CDH4: variants seen among roughly 807,000 people sequenced by gnomAD.
The protein encoded by CDH4 is cadherin-4.
Under a neutral mutation model 86.0 loss-of-function variants are expected in CDH4, and 33 were observed. The observed-to-expected ratio is 0.38, with a 90% CI of 0.29 to 0.51. The LOEUF (loss-of-function observed/expected upper bound fraction) is 0.51, where lower values mean the gene tolerates loss of function less well. CDH4 is among the 20% of genes least tolerant of loss of function. The pLI is 0.86. For missense variants in CDH4, 1,114 were observed against 1,307.4 expected (o/e 0.85, Z 2.28); for synonymous variants, 555 against 549.4 (o/e 1.01, Z -0.14).
At chr20:61,612,102 GT>G (rs2086689929) in intron 2 of CDH4, among the ~76,000 whole-genome samples, 1 of 151,950 alleles carries the variant, frequency 6.6e-6, no homozygotes, top group Non-Finnish European at 1.5e-5. Flanking sequence ...TTTTTTTTGA[GT>G]CATAAAAATG....
chr20:61,602,377 T>C (rs1353594677), intron 2 of CDH4, among the ~76,000 whole-genome samples: 1 of 152,070 alleles, frequency 6.6e-6, no homozygotes, highest in Non-Finnish European at 1.5e-5. Flanking sequence ...GACCAGGTCC[T>C]CAAAGGAAAC....
intron 3 of CDH4, among the ~76,000 whole-genome samples, chr20:61,748,465 TGAATGAAGAGA>T (rs1424654706): frequency 1.3e-5 from 2 of 152,190 alleles, no homozygotes. Flanking sequence ...GAAGTAAAGT[TGAATGAAGAGA>T]AACTGAAAGA....
intron 6 of CDH4, among the ~76,000 whole-genome samples, 182 bp from the exon 7 acceptor site, chr20:61,873,546 T>C (rs1282821830): frequency 6.6e-6 from 1 of 152,270 alleles, no homozygotes; most frequent in African/African-American, 2.4e-5. Flanking sequence ...TCTATGATTC[T>C]ATAAGGTGGG....
intron 4 of CDH4, among the ~76,000 whole-genome samples, chr20:61,798,005 T>C (rs1193523848): frequency 1.3e-5 from 2 of 152,056 alleles, no homozygotes; most frequent in South Asian, 4.1e-4. Flanking sequence ...AAAGCCAAAA[T>C]GGAAAAGCAC....
intron 2 of CDH4, among the ~76,000 whole-genome samples, chr20:61,677,004 G>A (rs973366704): frequency 6.6e-6 from 1 of 152,208 alleles, no homozygotes; most frequent in Non-Finnish European, 1.5e-5. Context: ...AGCAGACCAG[G>A]AGGGTGCTGA....
intron 2 of CDH4, among the ~76,000 whole-genome samples, chr20:61,433,506 G>A (rs1244194297): frequency 4.7e-5 from 5 of 107,162 alleles, no homozygotes; most frequent in Non-Finnish European, 9.9e-5. Flanking sequence ...CACTTGTCAT[G>A]TAAAAAAAAA....
chr20:61,643,546 G>A (rs2087032614), intron 2 of CDH4, among the ~76,000 whole-genome samples: 1 of 152,210 alleles, frequency 6.6e-6, no homozygotes, highest in Admixed American at 6.5e-5. Context: ...TGTGTCAGGG[G>A]ACCAAGAGGT....
intron 2 of CDH4, chr20:61,718,554 G>A (rs963192390): frequency 3.0e-5 from 10 of 333,192 alleles, no homozygotes; most frequent in South Asian, 5.0e-5. Flanking sequence ...GGCCAACCTC[G>A]ATCACAGCCA....
intron 9 of CDH4, among the ~76,000 whole-genome samples, chr20:61,915,247 G>T (rs1454891118): frequency 6.6e-6 from 1 of 152,238 alleles, no homozygotes; most frequent in Non-Finnish European, 1.5e-5. Flanking sequence ...ATCTGACTGA[G>T]CCAAGGTGTC....
intron 2 of CDH4, among the ~76,000 whole-genome samples, chr20:61,354,146 G>A (rs73917710): frequency 0.028 from 4,290 of 151,636 alleles, 176 homozygotes; most frequent in African/African-American, 0.088. Flanking sequence ...CCAGGGTGCC[G>A]CCGACCGTCC....
At chr20:61,660,434 G>A (rs918980836) in intron 2 of CDH4, among the ~76,000 whole-genome samples, 7 of 152,216 alleles carry the variant, frequency 4.6e-5, no homozygotes, top group Admixed American at 2.6e-4. Flanking sequence ...GTTCATCATC[G>A]AAGGCAGGTG....
At chr20:61,333,321 T>C (rs11908491) in intron 2 of CDH4, among the ~76,000 whole-genome samples, 30,774 of 151,880 alleles carry the variant, frequency 0.2, 3,213 homozygotes, top group African/African-American at 0.25. Context: ...GCTGGCAAGT[T>C]TCTCTTTTTC....
intron 2 of CDH4, among the ~76,000 whole-genome samples, chr20:61,483,073 G>A (rs1179386333): frequency 6.6e-6 from 1 of 152,228 alleles, no homozygotes; most frequent in Non-Finnish European, 1.5e-5. Flanking sequence ...CTCTGCTGCT[G>A]TGAAAACTTT....
chr20:61,869,580 G>A (rs1340850887), intron 6 of CDH4, among the ~76,000 whole-genome samples: 1 of 152,212 alleles, frequency 6.6e-6, no homozygotes, highest in East Asian at 1.9e-4. Flanking sequence ...CCCAGTCAGG[G>A]TCCCAAAGGT....
chr20:61,534,796 T>C (rs959673004), intron 2 of CDH4, among the ~76,000 whole-genome samples: 2 of 124,182 alleles, frequency 1.6e-5, no homozygotes, highest in African/African-American at 5.9e-5. Context: ...AGATGCCTGT[T>C]CATCCTCAAC....
At chr20:61,670,236 T>A (rs539416886) in intron 2 of CDH4, among the ~76,000 whole-genome samples, 1 of 152,184 alleles carries the variant, frequency 6.6e-6, no homozygotes, top group Non-Finnish European at 1.5e-5. Context: ...TCCCTTTGAG[T>A]TGACTCTGTG....
chr20:61,717,453 TTTTG>T (rs1270184570), intron 2 of CDH4: 1 of 143,802 alleles, frequency 7.0e-6, no homozygotes, highest in African/African-American at 2.6e-5. Flanking sequence ...TTTTTTTGGT[TTTTG>T]GTTTTTGGTT....
At chr20:61,584,114 C>G (rs1250789830) in intron 2 of CDH4, among the ~76,000 whole-genome samples, 1 of 152,192 alleles carries the variant, frequency 6.6e-6, no homozygotes, top group Non-Finnish European at 1.5e-5. Flanking sequence ...GAACCAAGAT[C>G]ACGCCACTGC....
Position 61,663,942 on chromosome 20 carries a change from C to T in CDH4, c.170-79621C>T, listed in dbSNP as rs2087292607. 6.6e-6 allele frequency among the ~76,000 whole-genome samples: 1 copy of T among 152,198 alleles called. No homozygotes were observed. The highest frequency in any genetic ancestry group is 1.5e-5 in the Non-Finnish European group (1 of 68,034). ...GTTTAGAGTGACACTGTCCTCTGTC[C>T]AGCACCGGTCCACGTTGAGGTGTCT... On this transcript the variant is annotated intron_variant, in intron 2 of 15. Transcript: ENST00000614565. This position sits in a 1 kb window ranked among gnomAD's most constrained non-coding sequence, Gnocchi z 5.0.
Sources: allele counts gnomAD v4.1 joint callset (sites outside exome capture counted in the v4.1 genomes callset), GRCh38; gene constraint gnomAD v4.1.1; non-coding constraint Gnocchi (gnomAD v3.1); transcripts MANE v1.5; gene names NCBI Gene and HGNC (gene_info 2026-07-23, HGNC 2026-07-21).